ST7L: variants seen among roughly 807,000 people sequenced by gnomAD.
ST7L encodes suppression of tumorigenicity 7 like.
ST7L carries 57 observed loss-of-function variants against 72.5 expected under a neutral mutation model. The ratio of observed to expected loss-of-function variants is 0.79; its 90% CI spans 0.64 to 0.98. The LOEUF (loss-of-function observed/expected upper bound fraction) is 0.98, where lower values mean the gene tolerates loss of function less well. Among genes scored for constraint, ST7L ranks in the 50% least tolerant of loss-of-function variants. The pLI is 0.00. For synonymous variants in ST7L, 221 were observed against 240.9 expected (o/e 0.92, Z 0.77); for missense variants, 576 against 672.2 (o/e 0.86, Z 1.58).
chr1:112,556,142 AAACT>A (rs1659084706), intron 11 of ST7L, 124 bp from the exon 12 acceptor site: 2 of 712,390 alleles, frequency 2.8e-6, no homozygotes, highest in Non-Finnish European at 4.0e-6. Context: ...GATTTTTAAA[AAACT>A]AACTGAAATG....
chr1:112,580,254 T>G (rs1244115103), intron 9 of ST7L, among the ~76,000 whole-genome samples: 3 of 152,176 alleles, frequency 2.0e-5, no homozygotes, highest in African/African-American at 7.2e-5. Flanking sequence ...GCTCAAGAGA[T>G]CCTCACACCT....
chr1:112,535,898 G>C (rs1343666482), intron 14 of ST7L, among the ~76,000 whole-genome samples: 1 of 152,100 alleles, frequency 6.6e-6, no homozygotes, highest in African/African-American at 2.4e-5. Flanking sequence ...CCTTCTAGGA[G>C]GTAGAGAACG....
chr1:112,548,565 T>C (rs115349994), intron 13 of ST7L, among the ~76,000 whole-genome samples: 2,479 of 152,310 alleles, frequency 0.016, 77 homozygotes, highest in African/African-American at 0.057. Context: ...CAGTTTAAAC[T>C]TATCAACTAG....
chr1:112,616,509 A>G, intron 2 of ST7L, among the ~76,000 whole-genome samples: 1 of 152,148 alleles, frequency 6.6e-6, no homozygotes, highest in South Asian at 2.1e-4. Flanking sequence ...TTGGGAGGAC[A>G]AGGCAGGCGG....
chr1:112,543,523 G>A (rs1424056538), intron 13 of ST7L, among the ~76,000 whole-genome samples: 1 of 151,940 alleles, frequency 6.6e-6, no homozygotes, highest in Non-Finnish European at 1.5e-5. Context: ...ACTCCAGCCT[G>A]GCAACAGAGC....
At chr1:112,582,509 T>C (rs1664285964) in intron 7 of ST7L, 37 bp from the exon 8 acceptor site, 3 of 1,268,848 alleles carry the variant, frequency 2.4e-6, no homozygotes, top group Non-Finnish European at 3.4e-6. Flanking sequence ...CAACTATCAC[T>C]TTTGTATTGT....
chr1:112,531,188 C>T (rs1654327126), intron 14 of ST7L, among the ~76,000 whole-genome samples: 1 of 152,082 alleles, frequency 6.6e-6, no homozygotes, highest in African/African-American at 2.4e-5. Flanking sequence ...GCTATTAGTT[C>T]TTATTAATCT....
chr1:112,596,956 G>T (rs1024321475), intron 5 of ST7L, among the ~76,000 whole-genome samples: 1 of 152,044 alleles, frequency 6.6e-6, no homozygotes, highest in African/African-American at 2.4e-5. Context: ...TTTCCTCAAA[G>T]AATAAATATT....
intron 12 of ST7L, among the ~76,000 whole-genome samples, chr1:112,554,011 T>C (rs759219675): frequency 6.6e-6 from 1 of 152,182 alleles, no homozygotes; most frequent in Non-Finnish European, 1.5e-5. Flanking sequence ...TGAGCCACCA[T>C]ACCTAGCCTT....
At chr1:112,520,535 C>A, downstream of ST7L, 1 of 1,606,520 alleles carries the variant, frequency 6.2e-7, no homozygotes, top group Non-Finnish European at 8.5e-7. Flanking sequence ...ACTCATCCCT[C>A]CAATTCAAGC....
intron 12 of ST7L, among the ~76,000 whole-genome samples, chr1:112,552,928 A>T (rs757668576): frequency 1.3e-5 from 2 of 151,974 alleles, no homozygotes; most frequent in African/African-American, 2.4e-5. Context: ...ACATAGCAAG[A>T]CCTCATCACT....
chr1:112,577,714 T>G (rs1663365320), intron 10 of ST7L, among the ~76,000 whole-genome samples: 1 of 151,990 alleles, frequency 6.6e-6, no homozygotes, highest in Admixed American at 6.6e-5. Context: ...CCAGAGAATC[T>G]CATGAAATAG....
At chr1:112,569,811 AC>A (rs1448671509) in intron 11 of ST7L, among the ~76,000 whole-genome samples, 1 of 152,072 alleles carries the variant, frequency 6.6e-6, no homozygotes, top group East Asian at 1.9e-4. Context: ...TACAAAAATT[AC>A]CCGGGCGTAG....
At chr1:112,549,736 AAG>A (rs767793618) in intron 13 of ST7L, among the ~76,000 whole-genome samples, 12 of 152,280 alleles carry the variant, frequency 7.9e-5, no homozygotes, top group Non-Finnish European at 1.2e-4. Context: ...CCTTTGAATA[AAG>A]AGAGTTTTAC....
At chr1:112,598,130 G>C in intron 4 of ST7L, 44 bp from the exon 5 acceptor site, 31 of 1,343,354 alleles carry the variant, frequency 2.3e-5, no homozygotes, top group Non-Finnish European at 2.8e-5. Flanking sequence ...ACATGAGAGA[G>C]CATCTATCTG....
At chr1:112,518,530 T>C (rs1652690363), downstream of ST7L, 1 of 152,186 alleles carries the variant, frequency 6.6e-6, no homozygotes, top group Non-Finnish European at 1.5e-5. Context: ...AGAAAAAAAC[T>C]TGGAGCCCTT....
intron 14 of ST7L, among the ~76,000 whole-genome samples, chr1:112,534,699 A>T (rs1413249762): frequency 1.3e-5 from 2 of 152,210 alleles, no homozygotes; most frequent in Non-Finnish European, 2.9e-5. Flanking sequence ...TGCAAGATAG[A>T]GATGTTTTCT....
At position 112,616,858 on chromosome 1, in the gene ST7L, A is replaced by G. The variant is rs749636162; in HGVS notation, c.243T>C (p.Tyr81=). ...ATGAAGAGGTCCCTGTAAGTGCCACATAGAATTTGGGTGTCAATGAATTTA... is the reference window on the plus strand; with the variant it reads ...ATGAAGAGGTCCCTGTAAGTGCCACGTAGAATTTGGGTGTCAATGAATTTA... ...VFLNSLTPKF[Y]VALTGTSSLI... Residue 81 remains tyrosine, a synonymous_variant, in exon 2 of 15, where the codon TAT becomes TAC. Transcript: ENST00000358039. 1.9e-5 allele frequency: 31 copies of G among 1,607,370 alleles called. 1 individual carries two copies. The highest frequency in any genetic ancestry group is 1.7e-6 in the Non-Finnish European group (2 of 1,178,030).
At chr1:112,593,609 A>T (rs1666007505) in intron 5 of ST7L, among the ~76,000 whole-genome samples, 1 of 152,172 alleles carries the variant, frequency 6.6e-6, no homozygotes, top group African/African-American at 2.4e-5. Flanking sequence ...TATTACTGTC[A>T]AGTGTAAATT....
Sources: allele counts gnomAD v4.1 joint callset (sites outside exome capture counted in the v4.1 genomes callset), GRCh38; gene constraint gnomAD v4.1.1; transcripts MANE v1.5; gene names NCBI Gene and HGNC (gene_info 2026-07-23, HGNC 2026-07-21).